The following PMFBP1 variants were observed in gnomAD, a reference collection of about 807,000 sequenced individuals.
The protein encoded by PMFBP1 is polyamine-modulated factor 1-binding protein 1.
PMFBP1 carries 131 observed loss-of-function variants against 137.8 expected under a neutral mutation model. The ratio of observed to expected loss-of-function variants is 0.95; its 90% CI spans 0.82 to 1.10. The LOEUF is 1.10. PMFBP1 is among the 50% of genes least tolerant of loss of function. The probability of loss-of-function intolerance (pLI) is 0.00; values close to 1 mark genes in which losing one functional copy is unlikely to be tolerated. For missense variants in PMFBP1, 1,199 were observed against 1,175.4 expected (o/e 1.02, Z -0.29); for synonymous variants, 490 against 450.4 (o/e 1.09, Z -1.11).
the PMFBP1 span, among the ~76,000 whole-genome samples, chr16:72,184,369 A>G: frequency 8.5e-4 from 130 of 152,352 alleles, no homozygotes; most frequent in Non-Finnish European, 1.4e-3. Context: ...GGCTTCTGCA[A>G]TTCAATCTCT....
the PMFBP1 span, among the ~76,000 whole-genome samples, chr16:72,206,515 G>A: frequency 6.6e-6 from 1 of 152,136 alleles, no homozygotes; most frequent in South Asian, 2.1e-4. Context: ...TTTGTAATGC[G>A]CATTTACATT....
At chr16:72,152,292 T>C (rs1173089556) in intron 4 of PMFBP1, among the ~76,000 whole-genome samples, 1 of 152,122 alleles carries the variant, frequency 6.6e-6, no homozygotes, top group Non-Finnish European at 1.5e-5. Flanking sequence ...GTGACTGTTA[T>C]TTGCCGAGTC....
chr16:72,190,073 C>T, the PMFBP1 span, among the ~76,000 whole-genome samples: 1 of 152,268 alleles, frequency 6.6e-6, no homozygotes, highest in South Asian at 2.1e-4. Flanking sequence ...TTATCTATAG[C>T]AGCAATCGGG....
In PMFBP1 at chr16:72,164,813, G is replaced by T. The variant is rs1387524807; in HGVS notation, c.116C>A (p.Thr39Asn). 3 of 1,608,508 alleles carry T rather than the reference G, an allele frequency of 1.9e-6. No homozygotes were observed. Among genetic ancestry groups the T allele is most frequent in the Non-Finnish European group, 2.6e-6 (3 of 1,175,386 alleles). ...CATGCAGAGCTGATTGTCCTGCAAG[G>T]TCTTCCTCTGTCTCTTGCAGACATC... ...LHDVCKRQRK[T>N]LQDNQLCMEE... Residue 39 changes from threonine (T) to asparagine (N), a missense_variant, in exon 3 of 21, where the codon ACC becomes AAC. Physicochemically the swap from Thr to Asn is moderately conservative, Grantham distance 65. Transcript: ENST00000237353.
the PMFBP1 span, among the ~76,000 whole-genome samples, chr16:72,227,019 C>T: frequency 6.6e-6 from 1 of 151,984 alleles, no homozygotes; most frequent in Non-Finnish European, 1.5e-5. Flanking sequence ...CCTAAATGCT[C>T]ATGAAAATGT....
At chr16:72,168,464 C>T (rs1228492307) in intron 2 of PMFBP1, among the ~76,000 whole-genome samples, 3 of 152,186 alleles carry the variant, frequency 2.0e-5, no homozygotes, top group Non-Finnish European at 1.5e-5. Context: ...TTTATGAAGG[C>T]TAAATTCCAG....
intron 2 of PMFBP1, 59 bp from the exon 3 acceptor site, chr16:72,164,975 A>T: frequency 1.3e-6 from 2 of 1,498,156 alleles, no homozygotes; most frequent in Non-Finnish European, 1.8e-6. Context: ...TGCTGCTTTC[A>T]TTCACTTAAC....
At chr16:72,135,506 C>T (rs1351647156) in intron 9 of PMFBP1, among the ~76,000 whole-genome samples, 7 of 151,742 alleles carry the variant, frequency 4.6e-5, no homozygotes, top group South Asian at 4.1e-4. Flanking sequence ...CGTGGGCCAC[C>T]GCACCCGGCC....
intron 9 of PMFBP1, among the ~76,000 whole-genome samples, chr16:72,135,722 G>A (rs1412189178): frequency 1.4e-4 from 20 of 140,348 alleles, no homozygotes; most frequent in African/African-American, 5.3e-4. Flanking sequence ...ATATTCATAA[G>A]ATATTTTTAA....
rs558313474 is a variant in PMFBP1, at chr16:72,129,132, C to A, written c.1884G>T (p.Glu628Asp). The stretch of plus-strand genomic sequence containing the variant: ...GTTCTCCCTCCATCAGCTTCTCATG[C>A]TCTTTGCTCTTCTTCAACTGCTCCC... ...DKREQLKKSKEHEKLMEGELE... is the reference protein window; with the variant it reads ...DKREQLKKSKDHEKLMEGELE... The change falls in exon 13 of 21, where the codon GAG (glutamate) becomes GAT (aspartate). Residue 628 changes from glutamate (E) to aspartate (D), a missense_variant. By Grantham distance (45) the Glu-to-Asp change is conservative (BLOSUM62 2). Coordinates refer to ENST00000237353, the MANE Select transcript of PMFBP1 (RefSeq NM_031293.3). 4 of 1,614,254 alleles carry A rather than the reference C, an allele frequency of 2.5e-6. No individual in the cohort carries two copies. The South Asian group carries it at 4.4e-5, about 18-fold the overall frequency.
Position 72,153,734 on chromosome 16 carries a change from T to C in PMFBP1, c.414+477A>G, listed in dbSNP as rs186057269. 2.1e-3 allele frequency among the ~76,000 whole-genome samples: 309 copies of C among 148,868 alleles called. 3 individuals are homozygous for C. Among genetic ancestry groups the C allele is most frequent in the Middle Eastern group, 0.01 (3 of 294 alleles). ...AAAAATTACCTGGTACTCTCAATGA[T>C]TGACTCCCACTCAACATCTGGTTAT... On this transcript the variant is annotated intron_variant, in intron 4 of 20. Coordinates refer to ENST00000237353, the MANE Select transcript of PMFBP1 (RefSeq NM_031293.3).
chr16:72,146,325 C>T (rs570340777), intron 5 of PMFBP1, among the ~76,000 whole-genome samples: 5 of 152,252 alleles, frequency 3.3e-5, no homozygotes, highest in Admixed American at 1.3e-4. Flanking sequence ...AATTCAACAG[C>T]GCTTCATGCT....
chr16:72,227,905 A>G, the PMFBP1 span, among the ~76,000 whole-genome samples: 340 of 152,322 alleles, frequency 2.2e-3, no homozygotes, highest in Non-Finnish European at 3.7e-3. Context: ...TTATTATGTT[A>G]TCACATTCTT....
chr16:72,190,112 A>C, the PMFBP1 span, among the ~76,000 whole-genome samples: 1 of 152,240 alleles, frequency 6.6e-6, no homozygotes, highest in Admixed American at 6.5e-5. Flanking sequence ...ACCTTTGGCT[A>C]CATGACTCCT....
chr16:72,123,056 C>T, intron 18 of PMFBP1, 68 bp from the exon 19 acceptor site: 1 of 1,406,828 alleles, frequency 7.1e-7, no homozygotes, highest in Non-Finnish European at 9.9e-7. Flanking sequence ...GTGCAGCTGG[C>T]TGAATGGGAT....
the PMFBP1 span, among the ~76,000 whole-genome samples, chr16:72,205,774 T>A: frequency 6.6e-6 from 1 of 152,116 alleles, no homozygotes; most frequent in Non-Finnish European, 1.5e-5. Context: ...TTTGGTCCAC[T>A]CTGCTGCACA....
chr16:72,239,941 G>A, the PMFBP1 span, among the ~76,000 whole-genome samples: 1 of 148,632 alleles, frequency 6.7e-6, no homozygotes, highest in Non-Finnish European at 1.5e-5. Flanking sequence ...GTCATTAGGT[G>A]TTTGTGAAGA....
chr16:72,223,932 C>G, the PMFBP1 span, among the ~76,000 whole-genome samples: 1 of 152,268 alleles, frequency 6.6e-6, no homozygotes, highest in East Asian at 1.9e-4. Context: ...AGGGCAAACA[C>G]CTGGGAAGGA....
chr16:72,199,850 G>T, the PMFBP1 span, among the ~76,000 whole-genome samples: 1 of 152,164 alleles, frequency 6.6e-6, no homozygotes, highest in African/African-American at 2.4e-5. Context: ...AACATGGAGA[G>T]AAGTCAAGAA....
Sources: gnomAD v4.1 joint callset for allele counts (sites outside exome capture counted in the v4.1 genomes callset) on GRCh38, gnomAD v4.1.1 for gene constraint, MANE v1.5 for transcripts, NCBI Gene and HGNC (gene_info 2026-07-23, HGNC 2026-07-21) for gene names.